The following SHOC1 variants were observed in gnomAD, a reference collection of about 807,000 sequenced individuals.
SHOC1 encodes shortage in chiasmata 1.
In SHOC1, 136 loss-of-function variants were observed where a neutral mutation model predicts 179.2. That is an observed-to-expected ratio of 0.76 (90% confidence interval 0.66 to 0.87). SHOC1 has a LOEUF of 0.87. Among genes scored for constraint, SHOC1 ranks in the 40% least tolerant of loss-of-function variants. SHOC1 has a pLI of 0.00. For missense variants in SHOC1, 1,538 were observed against 1,700.8 expected, an observed-to-expected ratio of 0.90 and a Z score of 1.68; for synonymous variants, 489 against 586.6, an observed-to-expected ratio of 0.83 and a Z score of 2.41.
At position 111,727,671 on chromosome 9, in the gene SHOC1, G is replaced by A. The variant is rs559802292; in HGVS notation, c.1796C>T (p.Thr599Ile). The change falls in exon 13 of 28, where the codon ACC becomes ATC. Residue 599 changes from threonine to isoleucine, a missense_variant. Transcript: ENST00000682961. ...ACTGTTTGTGACTTCAGTCTTTGAGGTGCAAGTCTTATATTTATTTCGCAG... is the reference window on the plus strand; with the variant it reads ...ACTGTTTGTGACTTCAGTCTTTGAGATGCAAGTCTTATATTTATTTCGCAG... The part of the protein sequence containing the change: ...IMLRNKYKTC[T>I]SKTEVTNSDE... 1 of 1,598,766 alleles carries A rather than the reference G, an allele frequency of 6.3e-7. No homozygotes were observed. Among genetic ancestry groups the A allele is most frequent in the Non-Finnish European group, 8.5e-7 (1 of 1,175,218 alleles).
In SHOC1 at chr9:111,773,148, T is replaced by C. The variant is rs576730724; in HGVS notation, c.442+2643A>G. On this transcript the variant is annotated intron_variant, in intron 5 of 27. Transcript: ENST00000682961. ...GTTGTTGCTAGTGAAAATTTTGGCA[T>C]TGTATATTTGTTTTTGGTTTCCCAT... 1.4e-4 allele frequency among the ~76,000 whole-genome samples: 22 copies of C among 152,154 alleles called. 1 individual carries two copies. The highest frequency in any genetic ancestry group is 4.4e-5 in the Non-Finnish European group (3 of 68,024).
chr9:111,697,559 T>C (rs1831761388), intron 24 of SHOC1, among the ~76,000 whole-genome samples: 1 of 152,228 alleles, frequency 6.6e-6, no homozygotes, highest in African/African-American at 2.4e-5. Context: ...CCATGATGTA[T>C]ATGTGCCACA....
intron 1 of SHOC1, among the ~76,000 whole-genome samples, chr9:111,793,771 T>C (rs965340674): frequency 4.6e-5 from 7 of 151,842 alleles, no homozygotes; most frequent in Admixed American, 3.9e-4. Flanking sequence ...AAAATGGAAA[T>C]GCACACGATA....
intron 8 of SHOC1, among the ~76,000 whole-genome samples, chr9:111,755,104 G>A (rs1291467169): frequency 6.6e-6 from 1 of 152,172 alleles, no homozygotes. Flanking sequence ...CTGTGGCAGT[G>A]ACTCTGTTTT....
intron 5 of SHOC1, chr9:111,759,107 C>T: frequency 6.5e-7 from 1 of 1,546,142 alleles, no homozygotes; most frequent in Admixed American, 1.9e-5. Context: ...ACGGCTAATA[C>T]TTTATCAATA....
At chr9:111,770,245 A>T (rs775689161) in intron 5 of SHOC1, among the ~76,000 whole-genome samples, 2 of 151,876 alleles carry the variant, frequency 1.3e-5, no homozygotes, top group African/African-American at 2.4e-5. Context: ...TATTTGTTTG[A>T]AGAAATTTTA....
At chr9:111,733,259 G>T (rs1833670084) in intron 12 of SHOC1, among the ~76,000 whole-genome samples, 1 of 151,972 alleles carries the variant, frequency 6.6e-6, no homozygotes, top group Non-Finnish European at 1.5e-5. Flanking sequence ...GATGAACTTT[G>T]TATTATTTCC....
intron 8 of SHOC1, among the ~76,000 whole-genome samples, chr9:111,748,721 C>CT (rs200681171): frequency 0.026 from 3,927 of 149,090 alleles, 200 homozygotes; most frequent in African/African-American, 0.093. Context: ...TTACCTATCC[C>CT]TTTTTTATCT....
intron 18 of SHOC1, among the ~76,000 whole-genome samples, chr9:111,710,859 A>G (rs905112839): frequency 6.6e-6 from 1 of 152,210 alleles, no homozygotes; most frequent in African/African-American, 2.4e-5. Flanking sequence ...ATGAAACAGC[A>G]TGATAGTTTG....
chr9:111,781,628 CAGG>C (rs146332920), intron 3 of SHOC1, among the ~76,000 whole-genome samples: 28,496 of 151,862 alleles, frequency 0.19, 2,849 homozygotes, highest in Non-Finnish European at 0.22. Flanking sequence ...AAGGCTGAGG[CAGG>C]AGAATACCTC....
At chr9:111,780,561 GA>G (rs1462803679) in intron 4 of SHOC1, among the ~76,000 whole-genome samples, 1 of 152,040 alleles carries the variant, frequency 6.6e-6, no homozygotes, top group Non-Finnish European at 1.5e-5. Flanking sequence ...GGATGATAAT[GA>G]ATATTTGATG....
intron 22 of SHOC1, among the ~76,000 whole-genome samples, chr9:111,703,464 A>G (rs915088163): frequency 1.4e-4 from 21 of 152,198 alleles, no homozygotes; most frequent in African/African-American, 4.8e-4. Context: ...TCTAAAAACT[A>G]GCTTACTTAG....
At chr9:111,691,156 A>C (rs1460421712) in intron 27 of SHOC1, among the ~76,000 whole-genome samples, 1 of 152,208 alleles carries the variant, frequency 6.6e-6, no homozygotes, top group African/African-American at 2.4e-5. Flanking sequence ...TAATCCAATA[A>C]AGCACTTAGA....
intron 5 of SHOC1, among the ~76,000 whole-genome samples, chr9:111,772,241 G>A (rs1049534413): frequency 2.0e-5 from 3 of 151,906 alleles, no homozygotes; most frequent in Non-Finnish European, 2.9e-5. Context: ...TCCAAAATTT[G>A]TTTGAGTTTT....
intron 8 of SHOC1, among the ~76,000 whole-genome samples, chr9:111,755,460 A>G (rs1834812178): frequency 6.6e-6 from 1 of 152,128 alleles, no homozygotes; most frequent in Admixed American, 6.5e-5. Context: ...CCTTTCCTCC[A>G]TGATATTATA....
At chr9:111,722,895 G>A (rs1157391866) in intron 14 of SHOC1, among the ~76,000 whole-genome samples, 7 of 151,994 alleles carry the variant, frequency 4.6e-5, no homozygotes, top group African/African-American at 1.7e-4. Context: ...TCCGTCTCCC[G>A]GATTCAAGCT....
intron 18 of SHOC1, among the ~76,000 whole-genome samples, chr9:111,712,474 G>C (rs1184396052): frequency 6.6e-6 from 1 of 152,152 alleles, no homozygotes; most frequent in Non-Finnish European, 1.5e-5. Flanking sequence ...AAAATTATCA[G>C]CTTTTATATG....
At chr9:111,688,465 G>A (rs1831281615) in intron 27 of SHOC1, among the ~76,000 whole-genome samples, 1 of 151,936 alleles carries the variant, frequency 6.6e-6, no homozygotes, top group Non-Finnish European at 1.5e-5. Flanking sequence ...CCAATACAAA[G>A]TGTCCCAAGT....
intron 5 of SHOC1, among the ~76,000 whole-genome samples, chr9:111,761,059 T>G (rs1345197220): frequency 1.3e-5 from 2 of 152,048 alleles, no homozygotes. Flanking sequence ...TCTAATGTGG[T>G]TAAGGATTTA....
Sources: allele counts gnomAD v4.1 joint callset (sites outside exome capture counted in the v4.1 genomes callset), GRCh38; gene constraint gnomAD v4.1.1; transcripts MANE v1.5; gene names NCBI Gene and HGNC (gene_info 2026-07-23, HGNC 2026-07-21).